Variants in GRM7 observed in about 807,000 individuals in gnomAD.
The protein encoded by GRM7 is metabotropic glutamate receptor 7.
A neutral mutation model predicts 84.5 loss-of-function variants in GRM7; 35 were observed. That is an observed-to-expected ratio of 0.41 (90% confidence interval 0.32 to 0.55). The LOEUF (loss-of-function observed/expected upper bound fraction) is 0.55, where lower values mean the gene tolerates loss of function less well. Among genes scored for constraint, GRM7 ranks in the 20% least tolerant of loss-of-function variants. The pLI, the probability that GRM7 is intolerant of heterozygous loss-of-function variation, is 0.19. For synonymous variants in GRM7, 487 were observed against 455.1 expected (o/e 1.07, Z -0.89); for missense variants, 1,003 against 1,194.6 (o/e 0.84, Z 2.36).
intron 1 of GRM7, among the ~76,000 whole-genome samples, chr3:6,884,810 G>A (rs1695631045): frequency 6.6e-6 from 1 of 152,050 alleles, no homozygotes; most frequent in African/African-American, 2.4e-5. Flanking sequence ...ATGTTATCCA[G>A]GCTGGTCTCA....
At chr3:7,393,315 T>C (rs1437692528) in intron 4 of GRM7, among the ~76,000 whole-genome samples, 1 of 152,156 alleles carries the variant, frequency 6.6e-6, no homozygotes, top group Non-Finnish European at 1.5e-5. Flanking sequence ...GTTCCCTTTC[T>C]GGAGCATCAT....
chr3:6,914,469 C>T (rs888101672), intron 1 of GRM7, among the ~76,000 whole-genome samples: 2 of 152,038 alleles, frequency 1.3e-5, no homozygotes, highest in Non-Finnish European at 1.5e-5. Context: ...ATGGCACTGT[C>T]TTGGCTCACT....
intron 1 of GRM7, among the ~76,000 whole-genome samples, chr3:7,002,192 C>G (rs1050861247): frequency 6.6e-6 from 1 of 152,126 alleles, no homozygotes; most frequent in Admixed American, 6.6e-5. Context: ...AAGGTATTAT[C>G]TAAGGGTATA....
At chr3:6,869,339 G>A (rs1426959091) in intron 1 of GRM7, among the ~76,000 whole-genome samples, 1 of 152,106 alleles carries the variant, frequency 6.6e-6, no homozygotes, top group East Asian at 1.9e-4. Flanking sequence ...TAATTGCAAG[G>A]ATTGCATGAA....
At chr3:7,727,027 G>A (rs1434345300) in intron 9 of GRM7, among the ~76,000 whole-genome samples, 1 of 151,700 alleles carries the variant, frequency 6.6e-6, no homozygotes, top group Non-Finnish European at 1.5e-5. Context: ...TTAAAATTTT[G>A]ATTTATTTTC....
intron 1 of GRM7, among the ~76,000 whole-genome samples, chr3:6,931,871 A>T (rs1018004845): frequency 2.0e-5 from 3 of 152,234 alleles, no homozygotes; most frequent in Non-Finnish European, 4.4e-5. Context: ...ATTCCAACTT[A>T]ATCAAATAAG....
chr3:7,482,416 T>C (rs779705), intron 7 of GRM7, among the ~76,000 whole-genome samples: 51,178 of 151,936 alleles, frequency 0.34, 8,843 homozygotes, highest in East Asian at 0.41. Context: ...AAAACTGATA[T>C]GTAGGTAACC....
intron 1 of GRM7, among the ~76,000 whole-genome samples, chr3:7,061,526 G>T (rs1360269731): frequency 1.3e-5 from 2 of 151,694 alleles, no homozygotes; most frequent in Non-Finnish European, 2.9e-5. Context: ...TAGCAATTAA[G>T]ATCTGGAAAT....
At chr3:7,605,099 G>T (rs1696500683) in intron 8 of GRM7, among the ~76,000 whole-genome samples, 1 of 152,126 alleles carries the variant, frequency 6.6e-6, no homozygotes, top group South Asian at 2.1e-4. Context: ...TGATTAAAAA[G>T]AAATCTGAAA....
At chr3:7,041,929 T>G (rs1157483425) in intron 1 of GRM7, among the ~76,000 whole-genome samples, 1 of 152,162 alleles carries the variant, frequency 6.6e-6, no homozygotes, top group African/African-American at 2.4e-5. Flanking sequence ...CCAATCTTGC[T>G]TACATAATGA....
intron 2 of GRM7, among the ~76,000 whole-genome samples, chr3:7,284,607 T>TG (rs1699366585): frequency 6.6e-6 from 1 of 152,184 alleles, no homozygotes; most frequent in Non-Finnish European, 1.5e-5. Flanking sequence ...CTCCAAGCCA[T>TG]GACTATTGTT....
In GRM7 at chr3:7,440,314, G is replaced by A. The variant is rs536136606; in HGVS notation, c.1175-12293G>A. 3.3e-5 allele frequency among the ~76,000 whole-genome samples: 5 copies of A among 152,262 alleles called. No homozygotes were observed. In the South Asian group the frequency reaches 1.0e-3, roughly 32 times the overall value. On this transcript the variant is annotated intron_variant, in intron 5 of 9. Coordinates refer to ENST00000357716, the MANE Select transcript of GRM7 (RefSeq NM_000844.4). ...GCCCTTATTTTGGTAATTTATTTCT[G>A]ACTGTGGGCTTGGAGACACTGGAAG...
chr3:6,925,190 T>C (rs1476011998), intron 1 of GRM7, among the ~76,000 whole-genome samples: 1 of 152,192 alleles, frequency 6.6e-6, no homozygotes, highest in Non-Finnish European at 1.5e-5. Context: ...CTTTACTCTA[T>C]ATAGGCATTT....
intron 1 of GRM7, among the ~76,000 whole-genome samples, chr3:6,970,977 G>A (rs1473059967): frequency 3.2e-5 from 4 of 126,598 alleles, no homozygotes; most frequent in African/African-American, 1.2e-4. Context: ...GCGAGACTCT[G>A]TCTCAAAAAC....
chr3:7,488,492 A>T (rs527931693), intron 7 of GRM7, among the ~76,000 whole-genome samples: 24 of 152,342 alleles, frequency 1.6e-4, no homozygotes, highest in African/African-American at 5.3e-4. Flanking sequence ...GGAGTGAGTG[A>T]GTCCTCACTT....
chr3:7,102,788 T>TGAAC lies in GRM7; in HGVS notation c.520-43664_520-43663insGAAC, dbSNP rs202168001. Among the ~76,000 whole-genome samples, 1,167 of 151,898 alleles carry TGAAC rather than the reference T, an allele frequency of 7.7e-3. 16 individuals are homozygous for TGAAC. The highest frequency in any genetic ancestry group is 0.027 in the African/African-American group (1,104 of 41,488). On this transcript the variant is annotated intron_variant, in intron 1 of 9. Transcript: ENST00000357716. ...ATTGAATAAAGTCTATTTATCTGCTTTTCAGTTCAATGGCCCTTTCTTTGG... is the reference window on the plus strand; with the variant it reads ...ATTGAATAAAGTCTATTTATCTGCTTGAACTTCAGTTCAATGGCCCTTTCTTTGG...
intron 2 of GRM7, among the ~76,000 whole-genome samples, chr3:7,287,037 A>T (rs1010716795): frequency 1.3e-5 from 2 of 152,124 alleles, no homozygotes; most frequent in African/African-American, 4.8e-5. Flanking sequence ...CTGTTTCCTG[A>T]TTCCTGGACA....
At chr3:7,553,815 C>T (rs142540922) in intron 7 of GRM7, among the ~76,000 whole-genome samples, 45 of 152,238 alleles carry the variant, frequency 3.0e-4, no homozygotes, top group African/African-American at 8.7e-4. Flanking sequence ...GATTACAATT[C>T]GATATGAGAT....
chr3:7,122,427 T>A (rs1454882193), intron 1 of GRM7, among the ~76,000 whole-genome samples: 1 of 152,170 alleles, frequency 6.6e-6, no homozygotes, highest in Non-Finnish European at 1.5e-5. Context: ...AAAAAAAGAT[T>A]TTTTTAAGAA....
Sources: gnomAD v4.1 joint callset for allele counts (sites outside exome capture counted in the v4.1 genomes callset) on GRCh38, gnomAD v4.1.1 for gene constraint, MANE v1.5 for transcripts, NCBI Gene and HGNC (gene_info 2026-07-23, HGNC 2026-07-21) for gene names.